CTNNA3: variants seen among roughly 807,000 people sequenced by gnomAD.
The protein encoded by CTNNA3 is catenin alpha-3.
Under a neutral mutation model 95.7 loss-of-function variants are expected in CTNNA3, and 76 were observed. That is an observed-to-expected ratio of 0.79 (90% CI 0.66 to 0.96). The LOEUF is 0.96. Among genes scored for constraint, CTNNA3 ranks in the 40% least tolerant of loss-of-function variants. The pLI, the probability that CTNNA3 is intolerant of heterozygous loss-of-function variation, is 0.00. For missense variants in CTNNA3, 1,191 were observed against 1,089.8 expected (o/e 1.09, Z -1.31); for synonymous variants, 431 against 374.4 (o/e 1.15, Z -1.74).
chr10:66,376,476 A>G (rs915838606), intron 12 of CTNNA3, among the ~76,000 whole-genome samples: 2 of 152,168 alleles, frequency 1.3e-5, no homozygotes, highest in Non-Finnish European at 2.9e-5. Context: ...CTGCTTCTTA[A>G]TGCTGAGAAA....
At chr10:66,647,119 AAC>A (rs1188009687) in intron 9 of CTNNA3, among the ~76,000 whole-genome samples, 1 of 152,226 alleles carries the variant, frequency 6.6e-6, no homozygotes, top group African/African-American at 2.4e-5. Context: ...CACAGGCCTT[AAC>A]ACACAAGTTG....
chr10:67,260,444 G>A (rs185553723), intron 5 of CTNNA3, among the ~76,000 whole-genome samples: 2 of 152,206 alleles, frequency 1.3e-5, no homozygotes, highest in East Asian at 1.9e-4. Flanking sequence ...AATAATTTTA[G>A]GGACTCCCTT....
chr10:65,949,774 T>C (rs1168062072), intron 17 of CTNNA3, among the ~76,000 whole-genome samples: 6 of 152,074 alleles, frequency 3.9e-5, no homozygotes, highest in Non-Finnish European at 7.4e-5. Flanking sequence ...GGGGTGGTGG[T>C]GCATAACCAC....
chr10:66,930,876 G>A (rs1235429232), intron 7 of CTNNA3, among the ~76,000 whole-genome samples: 5 of 151,972 alleles, frequency 3.3e-5, no homozygotes, highest in Non-Finnish European at 5.9e-5. Context: ...GAAATTATGG[G>A]AAAAAAGTTC....
intron 5 of CTNNA3, among the ~76,000 whole-genome samples, chr10:67,407,501 G>C (rs980786243): frequency 6.6e-6 from 1 of 152,092 alleles, no homozygotes; most frequent in Non-Finnish European, 1.5e-5. Flanking sequence ...CTTAAAAACT[G>C]GCACAAGACA....
rs79239935 is a variant in CTNNA3 at position 66,241,242 on chromosome 10, T to C, written c.1884+39228A>G. Among the ~76,000 whole-genome samples, 584 of 152,326 alleles carry C rather than the reference T, an allele frequency of 3.8e-3. 2 individuals carry two copies. Among genetic ancestry groups the C allele is most frequent in the African/African-American group, 0.014 (566 of 41,596 alleles). On this transcript the variant is annotated intron_variant, in intron 13 of 17. Coordinates refer to ENST00000433211, the MANE Select transcript of CTNNA3 (RefSeq NM_013266.4). ...GTAAGGTCAATGAAATGTATCACTG[T>C]TGATTTTCTGATTGTGATATTGTGC...
At chr10:66,945,810 T>C (rs765617330) in intron 7 of CTNNA3, among the ~76,000 whole-genome samples, 1 of 152,122 alleles carries the variant, frequency 6.6e-6, no homozygotes, top group African/African-American at 2.4e-5. Flanking sequence ...ATTTCAACTT[T>C]GATGTGTCTC....
At chr10:66,264,717 T>C (rs2091103540) in intron 13 of CTNNA3, among the ~76,000 whole-genome samples, 1 of 151,974 alleles carries the variant, frequency 6.6e-6, no homozygotes, top group African/African-American at 2.4e-5. Context: ...CTCTAGTATA[T>C]GGCAACATTA....
chr10:67,302,014 A>C (rs763349438), intron 5 of CTNNA3, among the ~76,000 whole-genome samples: 706 of 16,186 alleles, frequency 0.044, 154 homozygotes, highest in African/African-American at 0.23. Context: ...AAAGAAAGAA[A>C]GAAAGAAAGA....
At position 66,398,681 on chromosome 10, in the gene CTNNA3, TAA is replaced by T. The variant is rs2092998119; in HGVS notation, c.1532-19331_1532-19330del. ...GAAACAGAACACTTTTTTTTAGTGC[TAA>T]GACTAAATTAAAATCAGAGAAATTA... On this transcript the variant is annotated intron_variant, in intron 11 of 17. Coordinates refer to ENST00000433211, the MANE Select transcript of CTNNA3 (RefSeq NM_013266.4). Among the ~76,000 whole-genome samples, 3 of 152,076 alleles carry T rather than the reference TAA, an allele frequency of 2.0e-5. No individual in the cohort carries two copies. The South Asian group carries it at 6.2e-4, about 31-fold the overall frequency.
intron 7 of CTNNA3, among the ~76,000 whole-genome samples, chr10:66,884,397 A>G (rs1024205554): frequency 1.3e-5 from 2 of 152,148 alleles, no homozygotes; most frequent in Admixed American, 6.6e-5. Flanking sequence ...GAGGAATTGT[A>G]TGATTTTCAA....
At chr10:66,783,986 A>T (rs1207566105) in intron 7 of CTNNA3, among the ~76,000 whole-genome samples, 1 of 152,142 alleles carries the variant, frequency 6.6e-6, no homozygotes, top group Non-Finnish European at 1.5e-5. Flanking sequence ...AAGTATTTCC[A>T]TAGCCTTTAC....
At chr10:67,482,106 A>T (rs1848256578) in intron 5 of CTNNA3, among the ~76,000 whole-genome samples, 1 of 151,768 alleles carries the variant, frequency 6.6e-6, no homozygotes, top group Admixed American at 6.6e-5. Flanking sequence ...CCATTGATCT[A>T]TATCTCTGTT....
At chr10:67,436,377 A>G (rs920289226) in intron 5 of CTNNA3, among the ~76,000 whole-genome samples, 15 of 152,324 alleles carry the variant, frequency 9.8e-5, no homozygotes, top group African/African-American at 3.6e-4. Flanking sequence ...ATTCTAGAAG[A>G]TAACATTAGA....
At chr10:66,184,262 G>C (rs1250080433) in intron 13 of CTNNA3, among the ~76,000 whole-genome samples, 2 of 152,116 alleles carry the variant, frequency 1.3e-5, no homozygotes, top group Admixed American at 6.5e-5. Flanking sequence ...TTGCACCACT[G>C]ATCTCCAGCT....
chr10:66,346,419 C>T (rs949770628), intron 12 of CTNNA3, among the ~76,000 whole-genome samples: 1 of 151,512 alleles, frequency 6.6e-6, no homozygotes, highest in Admixed American at 6.6e-5. Context: ...GCTGGGACTA[C>T]ACACATGCAC....
At chr10:66,695,829 T>G (rs1164229629) in intron 9 of CTNNA3, among the ~76,000 whole-genome samples, 1 of 146,948 alleles carries the variant, frequency 6.8e-6, no homozygotes, top group Non-Finnish European at 1.5e-5. Flanking sequence ...AGAGACCCAC[T>G]GCATTGAAAA....
chr10:67,723,907 G>A (rs1381431682), intron 1 of CTNNA3, among the ~76,000 whole-genome samples: 2 of 152,070 alleles, frequency 1.3e-5, no homozygotes, highest in African/African-American at 2.4e-5. Context: ...CATATCCATC[G>A]AAGTTCAGAG....
chr10:66,700,437 A>T, intron 9 of CTNNA3, among the ~76,000 whole-genome samples: 1 of 152,048 alleles, frequency 6.6e-6, no homozygotes, highest in East Asian at 1.9e-4. Context: ...AAATTGGTTG[A>T]CTTTATAAAC....
Sources: gnomAD v4.1 joint callset for allele counts (sites outside exome capture counted in the v4.1 genomes callset) on GRCh38, gnomAD v4.1.1 for gene constraint, MANE v1.5 for transcripts, NCBI Gene and HGNC (gene_info 2026-07-23, HGNC 2026-07-21) for gene names.